Variants in COL5A1 observed in about 807,000 individuals in gnomAD.
The protein encoded by COL5A1 is collagen alpha-1(V) chain.
A neutral mutation model predicts 263.7 loss-of-function variants in COL5A1; 16 were observed. The observed-to-expected ratio is 0.06, with a 90% CI of 0.04 to 0.09. COL5A1 has a LOEUF of 0.09. Among genes scored for constraint, COL5A1 ranks in the 10% least tolerant of loss-of-function variants. COL5A1 has a pLI of 1.00. For missense variants in COL5A1, 2,036 were observed against 2,540.5 expected, an observed-to-expected ratio of 0.80 and a Z score of 4.27; for synonymous variants, 1,012 against 1,004.5, an observed-to-expected ratio of 1.01 and a Z score of -0.14.
intron 1 of COL5A1, among the ~76,000 whole-genome samples, chr9:134,663,903 C>T (rs1277098990): frequency 5.3e-5 from 8 of 152,258 alleles, no homozygotes; most frequent in South Asian, 2.1e-4. Flanking sequence ...CTTGCTGTGG[C>T]GGGTCACCAG....
chr9:134,693,977 C>CATGG (rs1306558911), intron 2 of COL5A1, among the ~76,000 whole-genome samples: 41 of 152,330 alleles, frequency 2.7e-4, no homozygotes, highest in Non-Finnish European at 4.4e-5. Flanking sequence ...TTCTAGAGAC[C>CATGG]CGTACCTGCC....
intron 4 of COL5A1, among the ~76,000 whole-genome samples, chr9:134,702,982 A>C (rs4381018): frequency 0.84 from 128,126 of 152,194 alleles, 54,223 homozygotes; most frequent in African/African-American, 0.89. Flanking sequence ...GGATATTAAT[A>C]CAGTGTCAAG....
At chr9:134,823,346 G>T in intron 60 of COL5A1, 70 bp from the exon 61 acceptor site, 1 of 1,550,828 alleles carries the variant, frequency 6.4e-7, no homozygotes, top group Non-Finnish European at 8.9e-7. Flanking sequence ...GACCATTCTA[G>T]AGCTGAAGGT....
At chr9:134,838,325 C>T (rs1168551722) in intron 65 of COL5A1, among the ~76,000 whole-genome samples, 1 of 152,192 alleles carries the variant, frequency 6.6e-6, no homozygotes, top group Admixed American at 6.5e-5. Context: ...TGGAGAAGCA[C>T]CCTTCTACAC....
intron 5 of COL5A1, among the ~76,000 whole-genome samples, chr9:134,728,394 C>T (rs958453920): frequency 6.6e-6 from 1 of 152,258 alleles, no homozygotes; most frequent in Admixed American, 6.5e-5. Context: ...TCCAAAGGGC[C>T]AGAAGCCTTC....
In COL5A1 at chr9:134,768,754, G is replaced by A. The variant is rs1023768115; in HGVS notation, c.2286+291G>A. ...GGAAGTCAGGCCTGCGTGCTGAGCC[G>A]TGAGGAGGGCTGGGCCGGGCTCCAG... is the stretch of plus-strand genomic sequence containing the variant. On this transcript the variant is annotated intron_variant, in intron 25 of 65. Transcript: ENST00000371817. Among the ~76,000 whole-genome samples, 7 of 152,228 alleles carry A rather than the reference G, an allele frequency of 4.6e-5. 1 individual carries two copies. In the East Asian group the frequency reaches 9.6e-4, roughly 21 times the overall value.
chr9:134,784,958 GTCT>G, intron 29 of COL5A1, 28 bp from the exon 30 acceptor site: 1 of 1,551,770 alleles, frequency 6.4e-7, no homozygotes, highest in South Asian at 1.1e-5. Flanking sequence ...GCGGGGGGTG[GTCT>G]TCTCACCTCC....
At chr9:134,795,037 C>T (rs1296739888) in intron 32 of COL5A1, 45 bp from the exon 33 acceptor site, 1 of 1,602,322 alleles carries the variant, frequency 6.2e-7, no homozygotes, top group Non-Finnish European at 8.5e-7. Context: ...CTGAGCAGGG[C>T]CGGGCATTTA....
At chr9:134,666,392 T>C (rs956789364) in intron 1 of COL5A1, among the ~76,000 whole-genome samples, 2 of 152,224 alleles carry the variant, frequency 1.3e-5, no homozygotes, top group African/African-American at 4.8e-5. Flanking sequence ...CATGGCCTTC[T>C]TCTCTGGAGA....
rs374402968 is a variant in COL5A1 at position 134,767,392 on chromosome 9, C to T, written c.2232+38C>T. 137 of 1,602,060 alleles carry T rather than the reference C, an allele frequency of 8.6e-5. 2 individuals carry two copies. Among genetic ancestry groups the T allele is most frequent in the Middle Eastern group, 6.9e-4 (4 of 5,804 alleles). ...GGGCTGTGTTGCAGGCCACTGCCCG[C>T]CTGCAGGTGGATTCCCTGGCCCCAC... On this transcript the variant is annotated intron_variant, in intron 24 of 65. Coordinates refer to ENST00000371817, the MANE Select transcript of COL5A1 (RefSeq NM_000093.5).
At chr9:134,724,261 C>G (rs978068275) in intron 4 of COL5A1, among the ~76,000 whole-genome samples, 5 of 152,226 alleles carry the variant, frequency 3.3e-5, no homozygotes, top group Non-Finnish European at 7.3e-5. Flanking sequence ...CTTCTGCATA[C>G]AAGGAGTTTT....
rs568316694 is a variant in COL5A1 at position 134,667,626 on chromosome 9, C to A, written c.110-23286C>A. On this transcript the variant is annotated intron_variant, in intron 1 of 65. Coordinates refer to ENST00000371817, the MANE Select transcript of COL5A1 (RefSeq NM_000093.5). Reference sequence around the variant, plus strand: ...CTGTCGCTAGGCTTATCTCTTTCCACATCACAGGTATCCTTGCAGTCTTCC... The same window carrying A: ...CTGTCGCTAGGCTTATCTCTTTCCAAATCACAGGTATCCTTGCAGTCTTCC... Among the ~76,000 whole-genome samples, 6 of 152,374 alleles carry A rather than the reference C, an allele frequency of 3.9e-5. No homozygotes were observed. The South Asian group carries it at 1.2e-3, about 32-fold the overall frequency.
chr9:134,671,230 C>T (rs772889802), intron 1 of COL5A1, among the ~76,000 whole-genome samples: 1 of 152,194 alleles, frequency 6.6e-6, no homozygotes, highest in Admixed American at 6.5e-5. Flanking sequence ...AGCTGCCCAC[C>T]GCGGAGGGGA....
intron 33 of COL5A1, 21 bp from the exon 34 acceptor site, chr9:134,795,241 C>A: frequency 6.2e-7 from 1 of 1,613,924 alleles, no homozygotes; most frequent in Non-Finnish European, 8.5e-7. Flanking sequence ...AGCTGACCTT[C>A]CTTCTCTCCC....
intron 9 of COL5A1, among the ~76,000 whole-genome samples, chr9:134,738,206 G>A (rs1427784306): frequency 2.0e-5 from 3 of 152,178 alleles, no homozygotes; most frequent in Non-Finnish European, 4.4e-5. Flanking sequence ...GCGTCTTCAG[G>A]TGCTTCTCGT....
intron 4 of COL5A1, among the ~76,000 whole-genome samples, chr9:134,721,342 T>A (rs1216320660): frequency 1.3e-5 from 2 of 150,110 alleles, no homozygotes; most frequent in Admixed American, 1.3e-4. Flanking sequence ...CTCCCCATAG[T>A]ACCCATACAG....
chr9:134,700,251 C>A lies in COL5A1; in HGVS notation c.491+129C>A. 1 of 859,726 alleles carries A rather than the reference C, an allele frequency of 1.2e-6. No homozygotes were observed. The allele number at this position is 859,726 out of a possible 1,614,324, so 53.3% of individuals were successfully genotyped here. ...GGTACTGAGACTCCCACAGACGCCG[C>A]AGCAGAGGAGAGGGTGCTGGGCTTG... On this transcript the variant is annotated intron_variant, in intron 3 of 65. Transcript: ENST00000371817. The surrounding 1 kb of genome is among the most constrained non-coding windows in gnomAD (Gnocchi z 4.0).
chr9:134,822,267 TG>T, intron 59 of COL5A1, 117 bp downstream of exon 59: 1 of 886,242 alleles, frequency 1.1e-6, no homozygotes, highest in Non-Finnish European at 1.8e-6. Context: ...AAGCTGGAAT[TG>T]GGGCCTCCAG....
chr9:134,816,730 C>T (rs931404985), intron 52 of COL5A1, among the ~76,000 whole-genome samples: 5 of 152,258 alleles, frequency 3.3e-5, no homozygotes, highest in Non-Finnish European at 5.9e-5. Context: ...GTGCCTCGTC[C>T]CTGCCCAGGT....
Sources: allele counts gnomAD v4.1 joint callset (sites outside exome capture counted in the v4.1 genomes callset), GRCh38; gene constraint gnomAD v4.1.1; non-coding constraint Gnocchi (gnomAD v3.1); transcripts MANE v1.5; gene names NCBI Gene and HGNC (gene_info 2026-07-23, HGNC 2026-07-21).